Variants in HLA-DQA1 observed in about 807,000 individuals in gnomAD.
The protein encoded by HLA-DQA1 is major histocompatibility complex, class II, DQ alpha 1, also known as HLA class II histocompatibility antigen, DQ alpha 1 chain.
In HLA-DQA1, 10 loss-of-function variants were observed where a neutral mutation model predicts 20.7. The ratio of observed to expected loss-of-function variants is 0.48; its 90% CI spans 0.30 to 0.82. The LOEUF (loss-of-function observed/expected upper bound fraction) is 0.82. Among genes scored for constraint, HLA-DQA1 ranks in the 40% least tolerant of loss-of-function variants. The probability of loss-of-function intolerance (pLI) is 0.07; values close to 1 mark genes in which losing one functional copy is unlikely to be tolerated. For missense variants in HLA-DQA1, 127 were observed against 293.0 expected (o/e 0.43, Z 4.14); for synonymous variants, 39 against 109.2 (o/e 0.36, Z 4.01).
At chr6:32,637,694 A>G (rs1780984637) in intron 1 of HLA-DQA1, among the ~76,000 whole-genome samples, 154 bp downstream of exon 1, 1 of 102,762 alleles carries the variant, frequency 9.7e-6, no homozygotes, top group Non-Finnish European at 2.2e-5. Flanking sequence ...CCTTCAGGAA[A>G]CCAGAGCCCC....
Position 32,641,131 on chromosome 6 carries a change from T to C in HLA-DQA1, c.83-179T>C, listed in dbSNP as rs1170119204. Among the ~76,000 whole-genome samples, 2 of 118,886 alleles carry C rather than the reference T, an allele frequency of 1.7e-5. 1 individual carries two copies. The highest frequency in any genetic ancestry group is 6.2e-5 in the African/African-American group (2 of 32,404). The allele number at this position is 118,886 out of a possible 152,430, so 78.0% of individuals were successfully genotyped here. A position where few individuals can be genotyped will look rare whatever the true frequency, so the allele number is the denominator to read the frequency against. ...CACTAGAGTGGGAAAGAAAGTGCAC[T>C]TTTAACTGGACAACTACCAACATGA... On this transcript the variant is annotated intron_variant, in intron 1 of 4. Transcript: ENST00000343139.
chr6:32,648,324 CA>C (rs70996706), downstream of HLA-DQA1, among the ~76,000 whole-genome samples: 14,914 of 86,954 alleles, frequency 0.17, 5,602 homozygotes, highest in South Asian at 0.4. Context: ...AGAGACACAA[CA>C]AAAAAAAGAG....
intron 1 of HLA-DQA1, 63 bp downstream of exon 1, chr6:32,637,603 T>G (rs9272441): frequency 0.15 from 94,218 of 609,474 alleles, 19,981 homozygotes; most frequent in Admixed American, 0.35. Flanking sequence ...GGAAAAGAGA[T>G]AAAGCGATTT....
downstream of HLA-DQA1, among the ~76,000 whole-genome samples, chr6:32,647,546 T>A (rs7760980): frequency 0.093 from 10,701 of 114,762 alleles, 873 homozygotes; most frequent in Middle Eastern, 0.22. Context: ...CAAAGTTTTT[T>A]AAAAATGCAT....
At chr6:32,637,748 C>T (rs9272454) in intron 1 of HLA-DQA1, among the ~76,000 whole-genome samples, 28,070 of 84,248 alleles carry the variant, frequency 0.33, 8,029 homozygotes, top group East Asian at 0.53. Context: ...TCACTAAGGA[C>T]GCTATTCTGT....
Position 32,641,990 on chromosome 6 carries a change from T to A in HLA-DQA1, c.350T>A (p.Val117Glu). The A allele has an allele frequency of 6.4e-7, 1 of 1,551,046 alleles. No homozygotes were observed. The highest frequency in any genetic ancestry group is 8.7e-7 in the Non-Finnish European group (1 of 1,152,404). Residue 117 changes from valine to glutamate, a missense_variant, in exon 3 of 5, where the codon GTG becomes GAG. By Grantham distance (121) the Val-to-Glu change is moderately radical. Transcript: ENST00000343139. ...ACCACAGAGGTTCCTGAGGTCACAG[T>A]GTTTTCCAAGTCTCCCGTGACACTG... is the stretch of plus-strand genomic sequence containing the variant. ...AATNEVPEVTVFSKSPVTLGQ... is the reference protein window; with the variant it reads ...AATNEVPEVTEFSKSPVTLGQ...
downstream of HLA-DQA1, among the ~76,000 whole-genome samples, chr6:32,647,875 A>T (rs17843583): frequency 4.6e-4 from 70 of 151,324 alleles, no homozygotes; most frequent in Middle Eastern, 6.8e-3. Context: ...CTTTGTTATG[A>T]GTATCATTAA....
At chr6:32,640,392 A>C (rs1242037775) in intron 1 of HLA-DQA1, among the ~76,000 whole-genome samples, 1 of 72,876 alleles carries the variant, frequency 1.4e-5, no homozygotes, top group Non-Finnish European at 3.1e-5. Flanking sequence ...AGGCTTACAC[A>C]TGTCTTGACA....
At chr6:32,651,579 G>A (rs1490074435), downstream of HLA-DQA1, among the ~76,000 whole-genome samples, 1 of 19,450 alleles carries the variant, frequency 5.1e-5, no homozygotes, top group Non-Finnish European at 9.7e-5. Context: ...GCGCGATTCC[G>A]TCTCAAAGCA....
chr6:32,654,410 G>A, the HLA-DQA1 span, among the ~76,000 whole-genome samples: 3 of 124,290 alleles, frequency 2.4e-5, no homozygotes, highest in African/African-American at 5.7e-5. Context: ...CAGCATCCAT[G>A]AGAGATTGGT....
chr6:32,647,185 C>CTTCTCTCTAATACTGTTGAAGTTTTCTGT (rs1582016752), downstream of HLA-DQA1: 22 of 112,140 alleles, frequency 2.0e-4, no homozygotes, highest in Non-Finnish European at 2.8e-4. Context: ...ACATGGTACT[C>CTTCTCTCTAATACTGTTGAAGTTTTCTGT]AGCCAGGCGC....
At chr6:32,645,922 T>A (rs540942724), downstream of HLA-DQA1, 9 of 111,238 alleles carry the variant, frequency 8.1e-5, 4 homozygotes, top group Non-Finnish European at 1.8e-4. Context: ...AATGGCATAA[T>A]GACCAGAGTC....
chr6:32,643,074 A>ACTTTTTTTTT lies in HLA-DQA1; in HGVS notation c.*146_*147insTTTTTTTCTT, dbSNP rs1554153344. 0.032 allele frequency: 9,599 copies of ACTTTTTTTTT among 298,738 alleles called. 1,455 individuals carry two copies. The highest frequency in any genetic ancestry group is 0.063 in the Admixed American group (1,167 of 18,422). The allele number at this position is 298,738 out of a possible 1,614,324, so 18.5% of individuals were successfully genotyped here. A position where few individuals can be genotyped will look rare whatever the true frequency, so the allele number is the denominator to read the frequency against. On this transcript the variant is annotated 3_prime_UTR_variant, in exon 5 of 5. Transcript: ENST00000343139. ...TTTCTCCTCTCACCTTTTCTCTGGG[A>ACTTTTTTTTT]CTTAAGCTGCTATATCCCCTCAGAG...
At chr6:32,643,777 G>T (rs1432080040), downstream of HLA-DQA1, 1 of 152,366 alleles carries the variant, frequency 6.6e-6, no homozygotes, top group Non-Finnish European at 1.5e-5. Context: ...AGAAATGGAA[G>T]TCAGAAAAAC....
At chr6:32,641,190 A>G (rs78496075) in intron 1 of HLA-DQA1, 120 bp from the exon 2 acceptor site, 92,862 of 654,736 alleles carry the variant, frequency 0.14, 22,402 homozygotes, top group South Asian at 0.3. Flanking sequence ...AAATGTCCAC[A>G]GACTGTGCCA....
intron 2 of HLA-DQA1, among the ~76,000 whole-genome samples, 187 bp from the exon 3 acceptor site, chr6:32,641,785 G>A (rs1004899156): frequency 8.4e-6 from 1 of 118,824 alleles, no homozygotes; most frequent in Non-Finnish European, 1.8e-5. Flanking sequence ...TATTAAACAT[G>A]CCCACAGAGA....
chr6:32,652,615 A>G, the HLA-DQA1 span, among the ~76,000 whole-genome samples: 1 of 150,432 alleles, frequency 6.6e-6, no homozygotes, highest in African/African-American at 2.5e-5. Flanking sequence ...AAGCCCAAGG[A>G]TGCTTAGTGT....
chr6:32,652,068 G>T, the HLA-DQA1 span, among the ~76,000 whole-genome samples: 1 of 94,722 alleles, frequency 1.1e-5, no homozygotes, highest in Non-Finnish European at 2.3e-5. Flanking sequence ...CGAGGCTTGC[G>T]GATCATGAGC....
downstream of HLA-DQA1, among the ~76,000 whole-genome samples, chr6:32,651,312 T>C (rs534331448): frequency 2.8e-4 from 20 of 70,506 alleles, 6 homozygotes; most frequent in African/African-American, 8.3e-4. Flanking sequence ...TGGCCAGGCG[T>C]GGTGGCCCAA....
Sources: gnomAD v4.1 joint callset for allele counts (sites outside exome capture counted in the v4.1 genomes callset) on GRCh38, gnomAD v4.1.1 for gene constraint, MANE v1.5 for transcripts, NCBI Gene and HGNC (gene_info 2026-07-23, HGNC 2026-07-21) for gene names.